The following ZNF429 variants were observed in gnomAD, a reference collection of about 807,000 sequenced individuals.
The protein encoded by ZNF429 is zinc finger protein 429.
Under a neutral mutation model 56.8 loss-of-function variants are expected in ZNF429, and 53 were observed. The observed-to-expected ratio is 0.93, with a 90% CI of 0.75 to 1.17. The LOEUF is 1.17. ZNF429 is among the 50% of genes most tolerant of loss of function. ZNF429 has a pLI of 0.00. For missense variants in ZNF429, 849 were observed against 788.4 expected (o/e 1.08, Z -0.92); for synonymous variants, 278 against 264.7 (o/e 1.05, Z -0.49).
intron 3 of ZNF429, among the ~76,000 whole-genome samples, 197 bp downstream of exon 3, chr19:21,530,881 G>A: frequency 8.5e-5 from 13 of 152,124 alleles, no homozygotes; most frequent in Admixed American, 2.6e-4. Flanking sequence ...TGAGGTGGGC[G>A]GATCACCTGG....
At chr19:21,531,120 A>AAAAC in intron 3 of ZNF429, among the ~76,000 whole-genome samples, 35 of 90,346 alleles carry the variant, frequency 3.9e-4, no homozygotes, top group South Asian at 2.4e-3. Flanking sequence ...AAAAAAAAAA[A>AAAAC]AAAAAAAAAC....
At chr19:21,506,984 T>C (rs1568408309) in intron 1 of ZNF429, among the ~76,000 whole-genome samples, 1 of 152,088 alleles carries the variant, frequency 6.6e-6, no homozygotes, top group African/African-American at 2.4e-5. Context: ...GTCAGGCTTG[T>C]CTTGAACTCC....
At position 21,536,846 on chromosome 19, in the gene ZNF429, G is replaced by A. The variant is rs1324069387; in HGVS notation, c.793G>A (p.Ala265Thr). 5.0e-6 allele frequency: 8 copies of A among 1,613,240 alleles called. No individual in the cohort carries two copies. The highest frequency in any genetic ancestry group is 1.7e-5 in the Admixed American group (1 of 59,924). Reference sequence around the variant, plus strand: ...CTACAAATGTAAAGAATGTGGCAAAGCCTTTAGCAGGTACTCAACCCTTAC... The same window carrying A: ...CTACAAATGTAAAGAATGTGGCAAAACCTTTAGCAGGTACTCAACCCTTAC... ...KPYKCKECGKAFSRYSTLTTH... is the reference protein window; with the variant it reads ...KPYKCKECGKTFSRYSTLTTH... The change falls in exon 4 of 4, where the codon GCC becomes ACC. Residue 265 changes from alanine (A) to threonine (T), a missense_variant. Coordinates refer to ENST00000358491, the MANE Select transcript of ZNF429 (RefSeq NM_001001415.4).
At position 21,508,581 on chromosome 19, in the gene ZNF429, G is replaced by A. The variant is rs1026597472; in HGVS notation, c.3+2807G>A. ...TTTTTTAGTAGAGCTTGAAAGGTAA[G>A]AAAATATTTACAAAGCGCATAAAAG... On this transcript the variant is annotated intron_variant, in intron 1 of 3. Coordinates refer to ENST00000358491, the MANE Select transcript of ZNF429 (RefSeq NM_001001415.4). Among the ~76,000 whole-genome samples the A allele has an allele frequency of 5.9e-5, 9 of 151,816 alleles. No homozygotes were observed. In the South Asian group the frequency reaches 8.3e-4, roughly 14 times the overall value.
At chr19:21,506,286 C>G (rs1196781503) in intron 1 of ZNF429, among the ~76,000 whole-genome samples, 1 of 152,028 alleles carries the variant, frequency 6.6e-6, no homozygotes, top group East Asian at 1.9e-4. Context: ...GGTGAAACCC[C>G]CTCTCTGCTA....
chr19:21,532,450 ACT>A, intron 3 of ZNF429, among the ~76,000 whole-genome samples: 7 of 152,154 alleles, frequency 4.6e-5, no homozygotes, highest in Admixed American at 3.9e-4. Flanking sequence ...AGAAACCACT[ACT>A]CTCAAACATT....
intron 1 of ZNF429, 70 bp downstream of exon 1, chr19:21,505,844 G>A (rs1225250521): frequency 1.3e-6 from 2 of 1,555,012 alleles, no homozygotes; most frequent in African/African-American, 1.4e-5. Context: ...AGTGGCCGTG[G>A]CGGACTTAGG....
intron 1 of ZNF429, among the ~76,000 whole-genome samples, chr19:21,520,291 G>A (rs190940642): frequency 1.8e-4 from 28 of 152,292 alleles, no homozygotes; most frequent in Non-Finnish European, 3.1e-4. Flanking sequence ...AAATTCAGAT[G>A]TCCAAGGGTT....
chr19:21,522,758 A>G (rs1275535305), intron 1 of ZNF429, among the ~76,000 whole-genome samples: 2 of 152,100 alleles, frequency 1.3e-5, no homozygotes, highest in Non-Finnish European at 2.9e-5. Context: ...TTAGCCGGGC[A>G]TGATGGCAGG....
intron 3 of ZNF429, among the ~76,000 whole-genome samples, chr19:21,534,752 G>T: frequency 6.6e-6 from 1 of 151,614 alleles, no homozygotes; most frequent in African/African-American, 2.4e-5. Flanking sequence ...CTTTTGACTG[G>T]AGAGAATCTC....
In ZNF429 at chr19:21,527,617, A is replaced by G. The variant is rs1428419985; in HGVS notation, c.4-2041A>G. 2.0e-5 allele frequency among the ~76,000 whole-genome samples: 3 copies of G among 152,076 alleles called. No individual in the cohort carries two copies. In the East Asian group the frequency reaches 5.8e-4, roughly 29 times the overall value. On this transcript the variant is annotated intron_variant, in intron 1 of 3. Transcript: ENST00000358491. ...GCTGTTGTCTGTGGCAGGGGAGGGC[A>G]CCTGAGGACAGGAAAGAAGAAATGT...
rs2033344040 is a variant in ZNF429 at position 21,530,605 on chromosome 19, G to A, written c.147G>A (p.Lys49=). 6.2e-7 allele frequency: 1 copy of A among 1,607,630 alleles called. No individual in the cohort carries two copies. Among genetic ancestry groups the A allele is most frequent in the Non-Finnish European group, 8.5e-7 (1 of 1,177,318 alleles). The change falls in exon 3 of 4, where the codon AAG becomes AAA. Residue 49 remains lysine (K), a synonymous_variant. Transcript: ENST00000358491. ...ATAAAACAGGTATTGCTGTTTCTAA[G>A]CCAGACCTAATCACTTGTCTAGAGA... ...NLVFLGIAVS[K]PDLITCLEKE...
rs1158495294 is a variant in ZNF429, at chr19:21,538,152, A to G, written c.*74A>G. ...AAATTAGCCAGGCGTGGTGGTGGGCACTTGTAGTCCCACCTACTCGGGAGG... is the reference window on the plus strand; with the variant it reads ...AAATTAGCCAGGCGTGGTGGTGGGCGCTTGTAGTCCCACCTACTCGGGAGG... On this transcript the variant is annotated 3_prime_UTR_variant, in exon 4 of 4. Coordinates refer to ENST00000358491, the MANE Select transcript of ZNF429 (RefSeq NM_001001415.4). 1.5e-6 allele frequency: 1 copy of G among 662,432 alleles called. No individual in the cohort carries two copies. The highest frequency in any genetic ancestry group is 1.8e-5 in the African/African-American group (1 of 54,148). The allele number at this position is 662,432 out of a possible 1,614,324, so 41.0% of individuals were successfully genotyped here. A position where few individuals can be genotyped will look rare whatever the true frequency, so the allele number is the denominator to read the frequency against.
At chr19:21,514,525 T>A (rs1313314109) in intron 1 of ZNF429, among the ~76,000 whole-genome samples, 5 of 152,112 alleles carry the variant, frequency 3.3e-5, no homozygotes, top group African/African-American at 4.8e-5. Flanking sequence ...CTTTTTTTTT[T>A]AAATAACCAC....
chr19:21,510,348 G>A (rs1381375666), intron 1 of ZNF429, among the ~76,000 whole-genome samples: 1 of 152,110 alleles, frequency 6.6e-6, no homozygotes, highest in Non-Finnish European at 1.5e-5. Flanking sequence ...GGAACCTCTG[G>A]GAAGGAGATA....
chr19:21,521,794 T>C (rs889418368), intron 1 of ZNF429: 1 of 152,416 alleles, frequency 6.6e-6, no homozygotes, highest in Non-Finnish European at 1.5e-5. Context: ...TATTTTTTAA[T>C]GTCACAATTA....
In ZNF429 at chr19:21,537,939, C is replaced by CT. The variant is rs756697751; in HGVS notation, c.1890dup (p.Thr631TyrfsTer10). The CT allele has an allele frequency of 3.1e-6, 5 of 1,613,916 alleles. No individual in the cohort carries two copies. In the South Asian group the frequency reaches 5.5e-5, roughly 18 times the overall value. On this transcript the variant is annotated frameshift_variant, in exon 4 of 4. Transcript: ENST00000358491. LOFTEE classifies it high-confidence loss of function. ...TACAAATGTGAAGAATGTGCCAAAG[C>CT]TTTTACCCGGTCTTCAAGACTTACT...
At chr19:21,512,777 G>A (rs552565863) in intron 1 of ZNF429, among the ~76,000 whole-genome samples, 2 of 151,764 alleles carry the variant, frequency 1.3e-5, no homozygotes, top group South Asian at 4.1e-4. Context: ...TACCACTGAA[G>A]TCAAATTCAG....
chr19:21,505,929 T>A (rs998398798), intron 1 of ZNF429, 155 bp downstream of exon 1: 6 of 745,064 alleles, frequency 8.1e-6, no homozygotes, highest in Non-Finnish European at 1.3e-5. Flanking sequence ...CCTTCAGCCA[T>A]AAGATGGCGA....
Sources: gnomAD v4.1 joint callset for allele counts (sites outside exome capture counted in the v4.1 genomes callset) on GRCh38, gnomAD v4.1.1 for gene constraint, MANE v1.5 for transcripts, NCBI Gene and HGNC (gene_info 2026-07-23, HGNC 2026-07-21) for gene names.